Variants in PDPR observed in about 807,000 individuals in gnomAD.
PDPR encodes the protein pyruvate dehydrogenase phosphatase regulatory subunit, also known as pyruvate dehydrogenase phosphatase regulatory subunit, mitochondrial.
PDPR carries 50 observed loss-of-function variants against 102.2 expected under a neutral mutation model. The ratio of observed to expected loss-of-function variants is 0.49; its 90% CI spans 0.39 to 0.62. The LOEUF (loss-of-function observed/expected upper bound fraction) is 0.62. Among genes scored for constraint, PDPR ranks in the 20% least tolerant of loss-of-function variants. PDPR has a pLI of 0.00. For missense variants in PDPR, 625 were observed against 1,098.2 expected (o/e 0.57, Z 6.09); for synonymous variants, 259 against 406.0 (o/e 0.64, Z 4.35).
chr16:70,127,714 T>C (rs1387627573), intron 4 of PDPR, among the ~76,000 whole-genome samples: 14 of 152,266 alleles, frequency 9.2e-5, no homozygotes, highest in Non-Finnish European at 1.9e-4. Flanking sequence ...TTCATAAGAA[T>C]TAAGAGTCAT....
intron 14 of PDPR, among the ~76,000 whole-genome samples, 196 bp downstream of exon 14, chr16:70,143,854 A>G (rs1386862793): frequency 1.3e-5 from 2 of 151,820 alleles, no homozygotes; most frequent in African/African-American, 4.9e-5. Context: ...AAAGCCCACC[A>G]GATTATGTAC....
intron 7 of PDPR, among the ~76,000 whole-genome samples, chr16:70,130,970 A>C (rs1052927081): frequency 6.6e-6 from 1 of 152,288 alleles, no homozygotes; most frequent in African/African-American, 2.4e-5. Context: ...ACTAAGAAAT[A>C]CTTTTGCCAT....
In PDPR at chr16:70,159,358, G is replaced by C. The variant is rs889014832; in HGVS notation, c.*2479G>C. 4 of 152,550 alleles carry C rather than the reference G, an allele frequency of 2.6e-5. No individual in the cohort carries two copies. Among genetic ancestry groups the C allele is most frequent in the African/African-American group, 2.4e-5 (1 of 41,484 alleles). The allele number at this position is 152,550 out of a possible 1,614,324, so 9.4% of individuals were successfully genotyped here. On this transcript the variant is annotated 3_prime_UTR_variant, in exon 19 of 19. Coordinates refer to ENST00000288050, the MANE Select transcript of PDPR (RefSeq NM_017990.5). Reference sequence around the variant, plus strand: ...CTTGTCTTGCTAGGAGAGGAGGATGGGGGGCTGAGCACTCAGGCTGTCCAT... The same window carrying C: ...CTTGTCTTGCTAGGAGAGGAGGATGCGGGGCTGAGCACTCAGGCTGTCCAT...
At chr16:70,153,266 C>T in intron 17 of PDPR, 125 bp from the exon 18 acceptor site, 2 of 1,104,448 alleles carry the variant, frequency 1.8e-6, no homozygotes, top group Non-Finnish European at 2.5e-6. Context: ...GATGAGACAT[C>T]CTGGGAGTTT....
intron 18 of PDPR, among the ~76,000 whole-genome samples, chr16:70,154,233 C>T (rs1966875676): frequency 6.6e-6 from 1 of 152,268 alleles, no homozygotes; most frequent in Non-Finnish European, 1.5e-5. Flanking sequence ...GAGGCTGAGG[C>T]AGGAGAATCA....
intron 9 of PDPR, among the ~76,000 whole-genome samples, chr16:70,135,790 G>T (rs145929691): frequency 6.6e-6 from 1 of 152,188 alleles, no homozygotes; most frequent in Non-Finnish European, 1.5e-5. Context: ...TCTTCCAGCC[G>T]GACGCAGTGG....
At chr16:70,121,146 C>G (rs10451115) in intron 3 of PDPR, among the ~76,000 whole-genome samples, 5 of 151,622 alleles carry the variant, frequency 3.3e-5, no homozygotes, top group African/African-American at 1.2e-4. Flanking sequence ...TGCATTTAAG[C>G]AAAGTAGACA....
At chr16:70,127,941 C>T (rs1437157068) in intron 4 of PDPR, among the ~76,000 whole-genome samples, 27 of 150,842 alleles carry the variant, frequency 1.8e-4, no homozygotes, top group African/African-American at 7.4e-5. Context: ...ACAGGAGCAG[C>T]CTGGCGTGGC....
Position 70,120,634 on chromosome 16 carries a change from T to C in PDPR, c.142T>C (p.Cys48Arg). Residue 48 changes from cysteine (C) to arginine (R), a missense_variant, in exon 3 of 19, where the codon TGT (cysteine) becomes CGT (arginine). Cys to Arg is a radical substitution (Grantham distance 180). Coordinates refer to ENST00000288050, the MANE Select transcript of PDPR (RefSeq NM_017990.5). ...GCCCACCCAGGCACAGGTGGTCATC[T>C]GTGGAGGTGGAATCACGGGCACTTC... is the stretch of plus-strand genomic sequence containing the variant. ...ALPTQAQVVI[C>R]GGGITGTSVA... is the part of the protein sequence containing the mutation. 6.2e-7 allele frequency: 1 copy of C among 1,613,896 alleles called. No individual in the cohort carries two copies. Among genetic ancestry groups the C allele is most frequent in the Non-Finnish European group, 8.5e-7 (1 of 1,179,798 alleles).
At chr16:70,135,393 C>G (rs140951311) in intron 9 of PDPR, among the ~76,000 whole-genome samples, 1 of 152,248 alleles carries the variant, frequency 6.6e-6, no homozygotes, top group Non-Finnish European at 1.5e-5. Context: ...TCCACCATCA[C>G]GACTGGCTAA....
At chr16:70,156,006 C>T (rs1967132982) in intron 18 of PDPR, among the ~76,000 whole-genome samples, 2 of 152,238 alleles carry the variant, frequency 1.3e-5, no homozygotes, top group Non-Finnish European at 2.9e-5. Context: ...TTTCCTGTCT[C>T]AGCCTCCCAA....
intron 15 of PDPR, among the ~76,000 whole-genome samples, chr16:70,145,356 T>C (rs1402302229): frequency 6.6e-6 from 1 of 152,236 alleles, no homozygotes; most frequent in South Asian, 2.1e-4. Flanking sequence ...CAGGCTGGTC[T>C]TGAACTCTTG....
chr16:70,159,498 T>C lies in PDPR; in HGVS notation c.*2619T>C, dbSNP rs369645316. ...AACACAGATTTCTCTTCTAGCACTT[T>C]AGAGTTGATCCTTGAAGTCTCTCCT... is the stretch of plus-strand genomic sequence containing the variant. On this transcript the variant is annotated 3_prime_UTR_variant, in exon 19 of 19. Coordinates refer to ENST00000288050, the MANE Select transcript of PDPR (RefSeq NM_017990.5). 7.2e-5 allele frequency: 11 copies of C among 153,024 alleles called. No individual in the cohort carries two copies. The East Asian group carries it at 1.7e-3, about 24-fold the overall frequency. 9.5% of individuals were successfully genotyped at this position (153,024 alleles called of 1,614,324 possible).
At chr16:70,152,971 G>C (rs1966840908) in intron 17 of PDPR, among the ~76,000 whole-genome samples, 1 of 152,274 alleles carries the variant, frequency 6.6e-6, no homozygotes, top group Non-Finnish European at 1.5e-5. Context: ...CAGTACGTGA[G>C]GGAGTAACAG....
intron 10 of PDPR, among the ~76,000 whole-genome samples, chr16:70,136,825 C>G (rs1965190136): frequency 6.6e-6 from 1 of 152,334 alleles, no homozygotes; most frequent in Non-Finnish European, 1.5e-5. Context: ...TCACTGCAAC[C>G]TCCACCTCCT....
At position 70,142,706 on chromosome 16, in the gene PDPR, A is replaced by T. The variant is rs1358404357; in HGVS notation, c.1605+20A>T. ...ATAACAGTAAGTATTTGGGAACCAAAAAGTAATAGATTAGGAAACTTTACA... is the reference window on the plus strand; with the variant it reads ...ATAACAGTAAGTATTTGGGAACCAATAAGTAATAGATTAGGAAACTTTACA... On this transcript the variant is annotated intron_variant, in intron 13 of 18. Coordinates refer to ENST00000288050, the MANE Select transcript of PDPR (RefSeq NM_017990.5). 6.4e-7 allele frequency: 1 copy of T among 1,572,240 alleles called. No homozygotes were observed. Among genetic ancestry groups the T allele is most frequent in the Admixed American group, 1.8e-5 (1 of 56,628 alleles).
chr16:70,129,764 T>C (rs1239632938), intron 6 of PDPR, among the ~76,000 whole-genome samples: 1 of 152,254 alleles, frequency 6.6e-6, no homozygotes, highest in Non-Finnish European at 1.5e-5. Flanking sequence ...CCAGTTGCAT[T>C]GAATGAGGGG....
In PDPR at chr16:70,130,624, T is replaced by C. The variant is rs976140941; in HGVS notation, c.729+80T>C. 9 of 1,554,016 alleles carry C rather than the reference T, an allele frequency of 5.8e-6. No homozygotes were observed. In the African/African-American group the frequency reaches 1.2e-4, roughly 21 times the overall value. The stretch of plus-strand genomic sequence containing the variant: ...TTGGTGTAGAGAAGTAAGATTAGTA[T>C]TGTGATTGGTTATACAGATATCAGT... On this transcript the variant is annotated intron_variant, in intron 7 of 18. Transcript: ENST00000288050.
rs1433565034 is a variant in PDPR, at chr16:70,127,473, G to C, written c.361+80G>C. ...ATTTCTGTATTTGGTCCTCTGCCAG[G>C]TGTGCCTGCTGCTTTGGTAATTAAA... On this transcript the variant is annotated intron_variant, in intron 4 of 18. Coordinates refer to ENST00000288050, the MANE Select transcript of PDPR (RefSeq NM_017990.5). The C allele has an allele frequency of 4.3e-5, 67 of 1,569,476 alleles. 1 individual carries two copies. In the East Asian group the frequency reaches 1.5e-3, roughly 35 times the overall value.
Sources: allele counts gnomAD v4.1 joint callset (sites outside exome capture counted in the v4.1 genomes callset), GRCh38; gene constraint gnomAD v4.1.1; transcripts MANE v1.5; gene names NCBI Gene and HGNC (gene_info 2026-07-23, HGNC 2026-07-21).